The following CSMD1 variants were observed in gnomAD, a reference collection of about 807,000 sequenced individuals.
CSMD1 encodes the protein CUB and Sushi multiple domains 1.
A neutral mutation model predicts 417.5 loss-of-function variants in CSMD1; 213 were observed. The observed-to-expected ratio is 0.51, with a 90% CI of 0.46 to 0.57. The LOEUF is 0.57. Ranked by LOEUF, CSMD1 falls within the 20% of genes least tolerant of loss-of-function variation. The probability of loss-of-function intolerance (pLI) is 0.00; values close to 1 mark genes in which losing one functional copy is unlikely to be tolerated. For missense variants in CSMD1, 6,923 were observed against 4,529.7 expected (o/e 1.53, Z -15.17); for synonymous variants, 2,862 against 1,736.8 (o/e 1.65, Z -16.11).
intron 3 of CSMD1, among the ~76,000 whole-genome samples, chr8:4,097,102 G>C (rs184644698): frequency 6.6e-6 from 1 of 152,148 alleles, no homozygotes; most frequent in Non-Finnish European, 1.5e-5. Context: ...AAGCACGGCT[G>C]TGCCTTCCCC....
At position 3,307,795 on chromosome 8, in the gene CSMD1, C is replaced by G. The variant is rs374241070; in HGVS notation, c.3850G>C (p.Ala1284Pro). The G allele has an allele frequency of 5.6e-6, 9 of 1,613,544 alleles. No individual in the cohort carries two copies. The highest frequency in any genetic ancestry group is 7.6e-6 in the Non-Finnish European group (9 of 1,179,602). ...GGGGACAATATTCGTCCTGATGTGG[C>G]TGCATGGATCTGACCACCACATTCC... ...IAECGGQIHA[A>P]TSGRILSPGY... The change falls in exon 25 of 70, where the codon GCC becomes CCC. Residue 1284 changes from alanine to proline, a missense_variant. Transcript: ENST00000635120.
intron 1 of CSMD1, among the ~76,000 whole-genome samples, chr8:4,974,539 G>C (rs989116210): frequency 6.6e-6 from 1 of 152,046 alleles, no homozygotes; most frequent in Non-Finnish European, 1.5e-5. Context: ...GTGAGAGTTA[G>C]TTCAGGCATA....
chr8:4,808,315 T>G (rs546269703), intron 1 of CSMD1, among the ~76,000 whole-genome samples: 4 of 152,188 alleles, frequency 2.6e-5, no homozygotes, highest in Non-Finnish European at 5.9e-5. Context: ...AGAAAGTGTG[T>G]AAATCTATCT....
chr8:3,465,480 C>T (rs929315479), intron 12 of CSMD1, among the ~76,000 whole-genome samples: 1 of 152,142 alleles, frequency 6.6e-6, no homozygotes, highest in Admixed American at 6.5e-5. Flanking sequence ...AGGCAGCCCC[C>T]TCACCATTAC....
chr8:3,175,507 G>GCCTGCCTT (rs149583717), intron 37 of CSMD1, among the ~76,000 whole-genome samples: 10,680 of 125,736 alleles, frequency 0.085, 527 homozygotes, highest in African/African-American at 0.13. Context: ...CTGCCTGCCT[G>GCCTGCCTT]CCTTTTTTCC....
intron 8 of CSMD1, among the ~76,000 whole-genome samples, chr8:3,604,126 A>G (rs968631158): frequency 6.6e-6 from 1 of 152,228 alleles, no homozygotes; most frequent in African/African-American, 2.4e-5. Context: ...CACTGGAAAC[A>G]TGATAGTGAA....
At chr8:4,219,476 G>A (rs990332756) in intron 3 of CSMD1, among the ~76,000 whole-genome samples, 1 of 152,102 alleles carries the variant, frequency 6.6e-6, no homozygotes, top group Non-Finnish European at 1.5e-5. Flanking sequence ...CTCTAGTCCT[G>A]AATTTCCTTC....
intron 12 of CSMD1, among the ~76,000 whole-genome samples, chr8:3,451,347 T>C (rs1431836482): frequency 6.6e-6 from 1 of 152,216 alleles, no homozygotes; most frequent in Non-Finnish European, 1.5e-5. Context: ...ATTTTGGCTT[T>C]TGTTGCCATT....
chr8:4,463,682 A>G (rs1269909917), intron 2 of CSMD1, among the ~76,000 whole-genome samples: 1 of 152,210 alleles, frequency 6.6e-6, no homozygotes, highest in African/African-American at 2.4e-5. Context: ...ACTTACATTA[A>G]ATGTCCAGAA....
chr8:4,345,868 C>A (rs545784304), intron 3 of CSMD1, among the ~76,000 whole-genome samples: 1 of 152,142 alleles, frequency 6.6e-6, no homozygotes, highest in Non-Finnish European at 1.5e-5. Context: ...GTTACATGCA[C>A]TGACAGGCAG....
intron 26 of CSMD1, among the ~76,000 whole-genome samples, chr8:3,241,461 G>C (rs989632476): frequency 6.6e-6 from 1 of 152,170 alleles, no homozygotes; most frequent in African/African-American, 2.4e-5. Flanking sequence ...CTTCCGAGGT[G>C]ATCTGGCAGT....
At chr8:3,759,174 A>G (rs1031094382) in intron 5 of CSMD1, among the ~76,000 whole-genome samples, 3 of 152,216 alleles carry the variant, frequency 2.0e-5, no homozygotes, top group Non-Finnish European at 4.4e-5. Flanking sequence ...TGGCAAGAGA[A>G]AGCAAATCTC....
intron 5 of CSMD1, among the ~76,000 whole-genome samples, chr8:3,937,749 G>A (rs779304279): frequency 4.8e-4 from 73 of 152,020 alleles, no homozygotes; most frequent in Non-Finnish European, 8.2e-4. Context: ...CGATATTACT[G>A]ATTAAGATGT....
At chr8:3,746,480 G>A (rs574786941) in intron 6 of CSMD1, among the ~76,000 whole-genome samples, 2 of 152,282 alleles carry the variant, frequency 1.3e-5, no homozygotes, top group African/African-American at 4.8e-5. Flanking sequence ...CGTTTGTCAT[G>A]CATTAATATT....
chr8:4,855,115 C>A (rs1024808370), intron 1 of CSMD1, among the ~76,000 whole-genome samples: 1 of 151,832 alleles, frequency 6.6e-6, no homozygotes, highest in African/African-American at 2.4e-5. Context: ...CCCTGACCCC[C>A]GAGCAGCCTA....
At chr8:3,643,724 G>GAAAAAAAAAAAA (rs1431798280) in intron 7 of CSMD1, among the ~76,000 whole-genome samples, 7 of 120,828 alleles carry the variant, frequency 5.8e-5, no homozygotes, top group African/African-American at 1.0e-4. Context: ...AAAAAAAAAG[G>GAAAAAAAAAAAA]AAATGCCTCC....
intron 3 of CSMD1, among the ~76,000 whole-genome samples, chr8:4,050,875 T>C (rs1050467864): frequency 2.0e-5 from 3 of 152,168 alleles, no homozygotes; most frequent in Non-Finnish European, 4.4e-5. Context: ...GCACTTCTAA[T>C]ACTCCCAGAT....
At chr8:4,173,969 T>C (rs543580522) in intron 3 of CSMD1, among the ~76,000 whole-genome samples, 33 of 152,196 alleles carry the variant, frequency 2.2e-4, no homozygotes, top group African/African-American at 7.7e-4. Flanking sequence ...AAAAACTTTC[T>C]CCTGACTGGA....
chr8:3,920,540 C>T (rs752736921), intron 5 of CSMD1, among the ~76,000 whole-genome samples: 2 of 152,076 alleles, frequency 1.3e-5, no homozygotes, highest in African/African-American at 2.4e-5. Context: ...CACGAGTAGG[C>T]AACTTGTCTT....
Sources: allele counts gnomAD v4.1 joint callset (sites outside exome capture counted in the v4.1 genomes callset), GRCh38; gene constraint gnomAD v4.1.1; transcripts MANE v1.5; gene names NCBI Gene and HGNC (gene_info 2026-07-23, HGNC 2026-07-21).